SERGEF: variants seen among roughly 807,000 people sequenced by gnomAD.
SERGEF encodes the protein secretion-regulating guanine nucleotide exchange factor.
In SERGEF, 51 loss-of-function variants were observed where a neutral mutation model predicts 50.0. The ratio of observed to expected loss-of-function variants is 1.02; its 90% CI spans 0.81 to 1.29. The LOEUF (loss-of-function observed/expected upper bound fraction) is 1.29. Among genes scored for constraint, SERGEF ranks in the 50% most tolerant of loss-of-function variants. The pLI is 0.00. For missense variants in SERGEF, 521 were observed against 557.0 expected, an observed-to-expected ratio of 0.94 and a Z score of 0.65; for synonymous variants, 205 against 212.4, an observed-to-expected ratio of 0.97 and a Z score of 0.30.
At chr11:17,962,844 G>C (rs143984345) in intron 8 of SERGEF, among the ~76,000 whole-genome samples, 214 of 152,184 alleles carry the variant, frequency 1.4e-3, no homozygotes, top group African/African-American at 5.0e-3. Flanking sequence ...GAGACCAAGG[G>C]AGGATATTGC....
At chr11:17,965,730 T>C (rs1310770688) in intron 8 of SERGEF, among the ~76,000 whole-genome samples, 2 of 152,144 alleles carry the variant, frequency 1.3e-5, no homozygotes, top group East Asian at 3.8e-4. Flanking sequence ...TCAATAAATA[T>C]CTGCTGCCTG....
At chr11:17,999,818 A>G (rs1169117811) in intron 5 of SERGEF, among the ~76,000 whole-genome samples, 1 of 152,234 alleles carries the variant, frequency 6.6e-6, no homozygotes, top group Non-Finnish European at 1.5e-5. Flanking sequence ...CCAGGCTCTG[A>G]TCCAAGCTCT....
chr11:17,917,582 G>A (rs1345078788), intron 9 of SERGEF, among the ~76,000 whole-genome samples: 1 of 152,100 alleles, frequency 6.6e-6, no homozygotes, highest in Non-Finnish European at 1.5e-5. Context: ...ATAAATAAAT[G>A]AATAAGAAAG....
chr11:17,863,851 C>T (rs574671224), intron 10 of SERGEF, among the ~76,000 whole-genome samples: 5 of 152,172 alleles, frequency 3.3e-5, no homozygotes, highest in Non-Finnish European at 4.4e-5. Flanking sequence ...CATGAAGCAC[C>T]TATTGCATGC....
intron 9 of SERGEF, among the ~76,000 whole-genome samples, chr11:17,878,715 T>C (rs1221913209): frequency 6.6e-6 from 1 of 152,232 alleles, no homozygotes; most frequent in Non-Finnish European, 1.5e-5. Flanking sequence ...TTTTCTCATC[T>C]GTCCACTCTC....
intron 1 of SERGEF, among the ~76,000 whole-genome samples, chr11:18,011,133 C>A (rs1032529729): frequency 1.6e-5 from 2 of 128,322 alleles, no homozygotes; most frequent in African/African-American, 6.8e-5. Context: ...TGCACATGCA[C>A]ACATACACAC....
chr11:18,008,130 T>A, intron 1 of SERGEF, 54 bp from the exon 2 acceptor site: 1 of 1,552,786 alleles, frequency 6.4e-7, no homozygotes, highest in Non-Finnish European at 8.8e-7. Context: ...ACTGTCAATG[T>A]CTATTTACCT....
chr11:17,873,521 T>G (rs1432253107), intron 10 of SERGEF, among the ~76,000 whole-genome samples: 1 of 152,220 alleles, frequency 6.6e-6, no homozygotes, highest in Non-Finnish European at 1.5e-5. Flanking sequence ...AATTGCTTGA[T>G]GGTTTCATGC....
intron 10 of SERGEF, among the ~76,000 whole-genome samples, chr11:17,799,321 C>T (rs1368120491): frequency 1.3e-5 from 2 of 152,190 alleles, no homozygotes; most frequent in Admixed American, 6.5e-5. Context: ...GCTGAACCCG[C>T]GGCCTGCAAA....
intron 9 of SERGEF, among the ~76,000 whole-genome samples, chr11:17,903,136 G>A (rs1458855904): frequency 2.0e-5 from 3 of 152,198 alleles, no homozygotes; most frequent in Non-Finnish European, 2.9e-5. Flanking sequence ...TATCTCATGT[G>A]CCAGAAAGGA....
Position 18,006,663 on chromosome 11 carries a change from G to A in SERGEF, c.280C>T (p.Pro94Ser), listed in dbSNP as rs1854080891. 1 of 1,614,122 alleles carries A rather than the reference G, an allele frequency of 6.2e-7. No homozygotes were observed. Among genetic ancestry groups the A allele is most frequent in the South Asian group, 1.1e-5 (1 of 91,076 alleles). The change falls in exon 3 of 11, where the codon CCC becomes TCC. Residue 94 changes from proline to serine, a missense_variant. Physicochemically the swap from Pro to Ser is moderately conservative, Grantham distance 74. Coordinates refer to ENST00000265965, the MANE Select transcript of SERGEF (RefSeq NM_012139.4). ...GHTEDIPYFT[P>S]CKSLFGCPIQ... is the part of the protein sequence containing the mutation. Reference sequence around the variant, plus strand: ...GGACAGCCAAAGAGGGATTTGCAGGGGGTAAAATATGGGATATCCTCTGTG... The same window carrying A: ...GGACAGCCAAAGAGGGATTTGCAGGAGGTAAAATATGGGATATCCTCTGTG...
intron 7 of SERGEF, among the ~76,000 whole-genome samples, chr11:17,988,995 A>T (rs1181785156): frequency 1.3e-5 from 2 of 152,224 alleles, no homozygotes; most frequent in African/African-American, 4.8e-5. Context: ...AAGAAATAAA[A>T]ATGTGTGGTT....
chr11:17,824,898 T>C (rs1850162658), intron 10 of SERGEF, among the ~76,000 whole-genome samples: 1 of 152,184 alleles, frequency 6.6e-6, no homozygotes, highest in Non-Finnish European at 1.5e-5. Context: ...ATTCAGTCCA[T>C]AACAGTGAGA....
chr11:17,910,459 C>T (rs1407657050), intron 9 of SERGEF, among the ~76,000 whole-genome samples: 2 of 152,076 alleles, frequency 1.3e-5, no homozygotes, highest in Non-Finnish European at 2.9e-5. Context: ...GTTATGTTGT[C>T]GAGGCTGGTC....
At chr11:17,910,555 G>A (rs1439553085) in intron 9 of SERGEF, among the ~76,000 whole-genome samples, 1 of 152,180 alleles carries the variant, frequency 6.6e-6, no homozygotes, top group Non-Finnish European at 1.5e-5. Flanking sequence ...TGTCTGGCCT[G>A]TTGTGGGTTT....
rs1052150854 is a variant in SERGEF at position 17,810,975 on chromosome 11, C to T, written c.1049-22562G>A. Among the ~76,000 whole-genome samples the T allele has an allele frequency of 5.9e-5, 9 of 152,146 alleles. No homozygotes were observed. In the East Asian group the frequency reaches 7.7e-4, roughly 13 times the overall value. ...TGCATCCAGTATCAGTGTTCTAGCC[C>T]GGAGCCTCTTGGGAGAGCAGCTTCC... is the stretch of plus-strand genomic sequence containing the variant. On this transcript the variant is annotated intron_variant, in intron 10 of 10. Coordinates refer to ENST00000265965, the MANE Select transcript of SERGEF (RefSeq NM_012139.4).
At chr11:17,960,792 T>C (rs946389054) in intron 8 of SERGEF, among the ~76,000 whole-genome samples, 9 of 152,184 alleles carry the variant, frequency 5.9e-5, no homozygotes, top group African/African-American at 2.2e-4. Context: ...CTAAGGTAGA[T>C]ACCAAGCAGT....
At chr11:17,859,849 G>A (rs1226498422) in intron 10 of SERGEF, among the ~76,000 whole-genome samples, 1 of 152,208 alleles carries the variant, frequency 6.6e-6, no homozygotes, top group African/African-American at 2.4e-5. Context: ...TCAATCAAAT[G>A]TGAAAATAGA....
intron 8 of SERGEF, among the ~76,000 whole-genome samples, chr11:17,964,224 A>G (rs538137152): frequency 6.6e-6 from 1 of 152,282 alleles, no homozygotes; most frequent in South Asian, 2.1e-4. Context: ...ATAGTCAAAT[A>G]TAAATGAAAG....
Sources: allele counts gnomAD v4.1 joint callset (sites outside exome capture counted in the v4.1 genomes callset), GRCh38; gene constraint gnomAD v4.1.1; transcripts MANE v1.5; gene names NCBI Gene and HGNC (gene_info 2026-07-23, HGNC 2026-07-21).